The following RCC1 variants were observed in gnomAD, a reference collection of about 807,000 sequenced individuals.
The protein encoded by RCC1 is regulator of chromosome condensation 1.
RCC1 carries 11 observed loss-of-function variants against 44.4 expected under a neutral mutation model. The ratio of observed to expected loss-of-function variants is 0.25; its 90% CI spans 0.16 to 0.41. RCC1 has a LOEUF of 0.41. Ranked by LOEUF, RCC1 falls within the 10% of genes least tolerant of loss-of-function variation. RCC1 has a pLI of 1.00. For synonymous variants in RCC1, 213 were observed against 216.5 expected, an observed-to-expected ratio of 0.98 and a Z score of 0.14; for missense variants, 386 against 547.1, an observed-to-expected ratio of 0.71 and a Z score of 2.94.
chr1:28,513,338 C>CA (rs776920485), intron 3 of RCC1, among the ~76,000 whole-genome samples: 1 of 151,996 alleles, frequency 6.6e-6, no homozygotes, highest in African/African-American at 2.4e-5. Context: ...GGTACTACAG[C>CA]ATGCACCACC....
At chr1:28,532,081 A>G in intron 6 of RCC1, 90 bp from the exon 7 acceptor site, 1 of 1,566,552 alleles carries the variant, frequency 6.4e-7, no homozygotes, top group Non-Finnish European at 8.7e-7. Context: ...TCACTGTGGA[A>G]ATGGAGCTGG....
At position 28,509,544 on chromosome 1, in the gene RCC1, T is replaced by C. The variant is rs1662339710; in HGVS notation, c.-153+639T>C. Reference sequence around the variant, plus strand: ...GTGAGCCACCCTGCCCGGCCACTTTTGTATGATTTCTAATGTATTTGTAAT... The same window carrying C: ...GTGAGCCACCCTGCCCGGCCACTTTCGTATGATTTCTAATGTATTTGTAAT... On this transcript the variant is annotated intron_variant, in intron 3 of 12. Coordinates refer to ENST00000683442, the MANE Select transcript of RCC1 (RefSeq NM_001381865.2). 3.3e-5 allele frequency: 5 copies of C among 152,334 alleles called. 1 individual carries two copies. In the South Asian group the frequency reaches 6.2e-4, roughly 19 times the overall value. The allele number at this position is 152,334 out of a possible 1,614,324, so 9.4% of individuals were successfully genotyped here.
At chr1:28,521,716 C>G (rs918935897) in intron 4 of RCC1, among the ~76,000 whole-genome samples, 1 of 152,194 alleles carries the variant, frequency 6.6e-6, no homozygotes, top group Non-Finnish European at 1.5e-5. Context: ...ACCCCACCTT[C>G]CCTCAGGCTC....
At chr1:28,529,381 G>A (rs1368895817) in intron 4 of RCC1, among the ~76,000 whole-genome samples, 3 of 148,900 alleles carry the variant, frequency 2.0e-5, no homozygotes, top group Non-Finnish European at 4.5e-5. Flanking sequence ...ACGGGGTTTT[G>A]CCATGTTGGC....
At chr1:28,509,096 C>T (rs1051376) in intron 3 of RCC1, 191 bp downstream of exon 3, 2 of 353,714 alleles carry the variant, frequency 5.7e-6, no homozygotes, top group South Asian at 2.2e-5. Flanking sequence ...AGCCACCACG[C>T]CCAGCCCTCA....
In RCC1 at chr1:28,536,638, C is replaced by T; in HGVS notation, c.938-109C>T. 7.4e-7 allele frequency: 1 copy of T among 1,356,792 alleles called. No homozygotes were observed. The highest frequency in any genetic ancestry group is 1.0e-6 in the Non-Finnish European group (1 of 977,798). The allele number at this position is 1,356,792 out of a possible 1,614,324, so 84.0% of individuals were successfully genotyped here. A position where few individuals can be genotyped will look rare whatever the true frequency, so the allele number is the denominator to read the frequency against. ...CACTGCAGATCTCCTTCTGATCGCT[C>T]TGGGAGCAGGGACACACTCCCATGG... is the stretch of plus-strand genomic sequence containing the variant. On this transcript the variant is annotated intron_variant, in intron 11 of 12. Coordinates refer to ENST00000683442, the MANE Select transcript of RCC1 (RefSeq NM_001381865.2). This position sits in a 1 kb window ranked among gnomAD's most constrained non-coding sequence, Gnocchi z 4.9.
rs1482018715 is a variant in RCC1, at chr1:28,530,733, G to A, written c.73+794G>A. The A allele has an allele frequency of 1.7e-5, 13 of 761,136 alleles. 1 individual carries two copies. The highest frequency in any genetic ancestry group is 7.7e-5 in the South Asian group (4 of 52,226). The allele number at this position is 761,136 out of a possible 1,614,324, so 47.1% of individuals were successfully genotyped here. A position where few individuals can be genotyped will look rare whatever the true frequency, so the allele number is the denominator to read the frequency against. On this transcript the variant is annotated intron_variant, in intron 5 of 12. Transcript: ENST00000683442. The stretch of plus-strand genomic sequence containing the variant: ...GCCCGGGGCTGCGGGTTGGGGGGCC[G>A]CCTTTGGCCCACAGAGAGCCCCGGG...
intron 6 of RCC1, 28 bp downstream of exon 6, chr1:28,532,018 G>A (rs1664210726): frequency 1.9e-6 from 3 of 1,560,998 alleles, no homozygotes; most frequent in East Asian, 2.2e-5. Context: ...GCACAGGGTT[G>A]GACAAGGCCT....
chr1:28,525,275 C>T lies in RCC1; in HGVS notation c.-9-4583C>T, dbSNP rs527660395. Among the ~76,000 whole-genome samples, 91 of 152,226 alleles carry T rather than the reference C, an allele frequency of 6.0e-4. 1 individual carries two copies. Among genetic ancestry groups the T allele is most frequent in the African/African-American group, 2.1e-3 (87 of 41,544 alleles). On this transcript the variant is annotated intron_variant, in intron 4 of 12. Coordinates refer to ENST00000683442, the MANE Select transcript of RCC1 (RefSeq NM_001381865.2). The stretch of plus-strand genomic sequence containing the variant: ...TCGATCTTTAACCAGACACAGGTCG[C>T]GGCGCCAGGCTGTCTGCCTGTGGAT...
chr1:28,528,182 A>T (rs1663813413), intron 4 of RCC1, among the ~76,000 whole-genome samples: 1 of 151,356 alleles, frequency 6.6e-6, no homozygotes, highest in South Asian at 2.1e-4. Context: ...TGGGCTGGGC[A>T]CAGTGGCTCA....
intron 3 of RCC1, among the ~76,000 whole-genome samples, chr1:28,513,071 CCT>C (rs975125324): frequency 1.3e-5 from 2 of 151,104 alleles, no homozygotes; most frequent in Non-Finnish European, 2.9e-5. Flanking sequence ...CCGCGCCCAG[CCT>C]CTTTTTTTTT....
rs562247668 is a variant in RCC1, at chr1:28,516,776, A to G, written c.-101A>G. 444 of 455,212 alleles carry G rather than the reference A, an allele frequency of 9.8e-4. No homozygotes were observed. The highest frequency in any genetic ancestry group is 1.8e-3 in the Non-Finnish European group (402 of 226,588). The allele number at this position is 455,212 out of a possible 1,614,324, so 28.2% of individuals were successfully genotyped here. ...GAAGACAGCAGAGAGAGAGAGAGAG[A>G]TCAGAGATCCCAGGGTTAAAAGTTG... On this transcript the variant is annotated 5_prime_UTR_variant, in exon 4 of 13. Coordinates refer to ENST00000683442, the MANE Select transcript of RCC1 (RefSeq NM_001381865.2).
In RCC1 at chr1:28,536,293, C is replaced by T; in HGVS notation, c.849C>T (p.Pro283=). The change falls in exon 11 of 13, where the codon CCC becomes CCT. Residue 283 remains proline, a synonymous_variant. Transcript: ENST00000683442. This position sits in a 1 kb window ranked among gnomAD's most constrained non-coding sequence, Gnocchi z 4.9. ...CGGGCACAGAATCTTGCTTCATACC[C>T]CAGAACCTAACATCCTTCAAGAATT... ...GTPGTESCFI[P]QNLTSFKNST... The T allele has an allele frequency of 6.2e-7, 1 of 1,614,150 alleles. No homozygotes were observed. Among genetic ancestry groups the T allele is most frequent in the South Asian group, 1.1e-5 (1 of 91,074 alleles).
At chr1:28,531,259 C>CTTT (rs769808394) in intron 5 of RCC1, among the ~76,000 whole-genome samples, 17,335 of 128,854 alleles carry the variant, frequency 0.13, 1,415 homozygotes, top group Non-Finnish European at 0.17. Flanking sequence ...GCTTTCTTTT[C>CTTT]TTTTTCTTTT....
chr1:28,528,112 G>A (rs752488363), intron 4 of RCC1, among the ~76,000 whole-genome samples: 1 of 152,034 alleles, frequency 6.6e-6, no homozygotes, highest in Non-Finnish European at 1.5e-5. Flanking sequence ...TTGAGATTAG[G>A]AGTTTGGGAC....
intron 3 of RCC1, among the ~76,000 whole-genome samples, chr1:28,515,193 A>G (rs1450794784): frequency 4.7e-5 from 7 of 150,340 alleles, no homozygotes; most frequent in Non-Finnish European, 8.9e-5. Flanking sequence ...GGGAGGCTGA[A>G]ACAGGAGAAT....
chr1:28,537,596 C>T (rs911510383), intron 12 of RCC1, among the ~76,000 whole-genome samples: 4 of 152,200 alleles, frequency 2.6e-5, no homozygotes, highest in East Asian at 1.9e-4. Context: ...TTGAATGCCA[C>T]GCCTAGGAGC....
Position 28,530,030 on chromosome 1 carries a change from G to A in RCC1, c.73+91G>A, listed in dbSNP as rs538654774. On this transcript the variant is annotated intron_variant, in intron 5 of 12. Transcript: ENST00000683442. ...GGCTCCTTTCTTCCTGAGGCTTGAA[G>A]CTGAAGGGTGTGGATGTGCAGAGAC... The A allele has an allele frequency of 5.5e-5, 56 of 1,020,708 alleles. No individual in the cohort carries two copies. The African/African-American group carries it at 7.8e-4, about 14-fold the overall frequency. 63.2% of individuals were successfully genotyped at this position (1,020,708 alleles called of 1,614,324 possible).
rs1275569701 is a variant in RCC1, at chr1:28,506,063, C to A, written c.-283C>A. The A allele has an allele frequency of 4.4e-6, 2 of 455,964 alleles. No homozygotes were observed. Among genetic ancestry groups the A allele is most frequent in the Non-Finnish European group, 8.8e-6 (2 of 226,804 alleles). 28.2% of individuals were successfully genotyped at this position (455,964 alleles called of 1,614,324 possible). ...TCTCTCCTTTTTGGAGACAGATTCG[C>A]AGTGGTCGCTTCTTCTCCTTGGTAA... On this transcript the variant is annotated 5_prime_UTR_variant, in exon 1 of 13. Transcript: ENST00000683442.
Sources: gnomAD v4.1 joint callset for allele counts (sites outside exome capture counted in the v4.1 genomes callset) on GRCh38, gnomAD v4.1.1 for gene constraint, Gnocchi (gnomAD v3.1) non-coding constraint, MANE v1.5 for transcripts, NCBI Gene and HGNC (gene_info 2026-07-23, HGNC 2026-07-21) for gene names.